The following GALNT18 variants were observed in gnomAD, a reference collection of about 807,000 sequenced individuals.
GALNT18 encodes the protein GalNAc-transferase 18.
Under a neutral mutation model 69.5 loss-of-function variants are expected in GALNT18, and 44 were observed. The observed-to-expected ratio is 0.63, with a 90% CI of 0.50 to 0.81. GALNT18 has a LOEUF of 0.81. GALNT18 is among the 40% of genes least tolerant of loss of function. The probability of loss-of-function intolerance (pLI) is 0.00; values close to 1 mark genes in which losing one functional copy is unlikely to be tolerated. For synonymous variants in GALNT18, 364 were observed against 318.2 expected (o/e 1.14, Z -1.53); for missense variants, 715 against 810.0 (o/e 0.88, Z 1.42).
intron 1 of GALNT18, among the ~76,000 whole-genome samples, chr11:11,490,730 G>A (rs947543052): frequency 1.3e-5 from 2 of 152,146 alleles, no homozygotes; most frequent in African/African-American, 2.4e-5. Context: ...TCCAGAAGGT[G>A]TGCTCAGAAG....
chr11:11,391,877 A>G (rs914442955), intron 3 of GALNT18, among the ~76,000 whole-genome samples: 1 of 152,236 alleles, frequency 6.6e-6, no homozygotes, highest in Non-Finnish European at 1.5e-5. Flanking sequence ...CCTAAGAGGT[A>G]AGGCCGGAGC....
At chr11:11,414,644 C>T (rs1302059976) in intron 3 of GALNT18, among the ~76,000 whole-genome samples, 2 of 152,130 alleles carry the variant, frequency 1.3e-5, no homozygotes, top group Admixed American at 1.3e-4. Flanking sequence ...TTTATTATGG[C>T]CTGTAATAAT....
chr11:11,284,800 T>C (rs1174621014), intron 10 of GALNT18, among the ~76,000 whole-genome samples: 1 of 147,420 alleles, frequency 6.8e-6, no homozygotes, highest in Non-Finnish European at 1.5e-5. Flanking sequence ...GTGTGGGACA[T>C]TACAGCTAGT....
rs572255459 is a variant in GALNT18, at chr11:11,618,320, T to G, written c.235+3039A>C. 1.9e-3 allele frequency among the ~76,000 whole-genome samples: 297 copies of G among 152,350 alleles called. 1 individual carries two copies. The highest frequency in any genetic ancestry group is 1.5e-3 in the Non-Finnish European group (102 of 68,040). On this transcript the variant is annotated intron_variant, in intron 1 of 10. Coordinates refer to ENST00000227756, the MANE Select transcript of GALNT18 (RefSeq NM_198516.3). This position sits in a 1 kb window ranked among gnomAD's most constrained non-coding sequence, Gnocchi z 6.1. ...TTAATAACCAACGTGGCCATAGGCATCAGCACTCATCCATTCATCCACGCT... is the reference window on the plus strand; with the variant it reads ...TTAATAACCAACGTGGCCATAGGCAGCAGCACTCATCCATTCATCCACGCT...
At chr11:11,486,897 G>A (rs151167509) in intron 1 of GALNT18, among the ~76,000 whole-genome samples, 6 of 152,324 alleles carry the variant, frequency 3.9e-5, no homozygotes, top group Admixed American at 1.3e-4. Context: ...TGTATGTGAG[G>A]GAAGGAATAA....
At chr11:11,283,617 T>C (rs190053707) in intron 10 of GALNT18, among the ~76,000 whole-genome samples, 1,688 of 152,318 alleles carry the variant, frequency 0.011, 36 homozygotes, top group African/African-American at 0.039. Flanking sequence ...CCCAGTCTCA[T>C]GGCTCTAGGC....
In GALNT18 at chr11:11,587,690, C is replaced by A. The variant is rs1022484199; in HGVS notation, c.235+33669G>T. Among the ~76,000 whole-genome samples, 1 of 152,138 alleles carries A rather than the reference C, an allele frequency of 6.6e-6. No individual in the cohort carries two copies. The highest frequency in any genetic ancestry group is 1.5e-5 in the Non-Finnish European group (1 of 68,020). ...ACCAGTCATCAACATCAAAACCAAC[C>A]TATAACAAGGAAAATTAACAGGCAA... On this transcript the variant is annotated intron_variant, in intron 1 of 10. Coordinates refer to ENST00000227756, the MANE Select transcript of GALNT18 (RefSeq NM_198516.3). The surrounding 1 kb of genome is among the most constrained non-coding windows in gnomAD (Gnocchi z 4.4).
intron 1 of GALNT18, among the ~76,000 whole-genome samples, chr11:11,462,895 T>C (rs1338102221): frequency 6.6e-6 from 1 of 152,150 alleles, no homozygotes; most frequent in Non-Finnish European, 1.5e-5. Context: ...AAAGGCAATC[T>C]GCTCAAAGAA....
chr11:11,585,479 C>A (rs113562687), intron 1 of GALNT18, among the ~76,000 whole-genome samples: 3 of 152,054 alleles, frequency 2.0e-5, no homozygotes, highest in Admixed American at 2.0e-4. Flanking sequence ...CCTCAGCCTC[C>A]GGAGTAGCTG....
intron 1 of GALNT18, among the ~76,000 whole-genome samples, chr11:11,539,193 C>T (rs567593054): frequency 6.6e-6 from 1 of 152,360 alleles, no homozygotes; most frequent in South Asian, 2.1e-4. Context: ...CCAAGGCTCC[C>T]TCTCAAGGGC....
chr11:11,576,613 G>T (rs1429991058), intron 1 of GALNT18, among the ~76,000 whole-genome samples: 1 of 152,166 alleles, frequency 6.6e-6, no homozygotes, highest in Non-Finnish European at 1.5e-5. Context: ...TTAGGAAATT[G>T]AGGCCACACA....
At chr11:11,548,251 G>A (rs1374541696) in intron 1 of GALNT18, among the ~76,000 whole-genome samples, 1 of 152,230 alleles carries the variant, frequency 6.6e-6, no homozygotes, top group Non-Finnish European at 1.5e-5. Flanking sequence ...GCAAAAGTGA[G>A]CACAGGCTGA....
At chr11:11,271,594 T>C (rs1848829082) in intron 10 of GALNT18, among the ~76,000 whole-genome samples, 1 of 67,478 alleles carries the variant, frequency 1.5e-5, no homozygotes, top group African/African-American at 4.8e-5. Context: ...CACCTACAGC[T>C]CCTACCCCAG....
In GALNT18 at chr11:11,318,923, C is replaced by T. The variant is rs1460746926; in HGVS notation, c.1512+8163G>A. ...CTCTCAGACACTATGAAGTTGTATG[C>T]TAACTCCTAGATTTCTGTCTGTGTA... On this transcript the variant is annotated intron_variant, in intron 9 of 10. Transcript: ENST00000227756. The surrounding 1 kb of genome is among the most constrained non-coding windows in gnomAD (Gnocchi z 5.1). Among the ~76,000 whole-genome samples, 2 of 152,166 alleles carry T rather than the reference C, an allele frequency of 1.3e-5. No individual in the cohort carries two copies. The highest frequency in any genetic ancestry group is 4.8e-5 in the African/African-American group (2 of 41,446).
In GALNT18 at chr11:11,591,196, GCC is replaced by G. The variant is rs1480252384; in HGVS notation, c.235+30161_235+30162del. On this transcript the variant is annotated intron_variant, in intron 1 of 10. Coordinates refer to ENST00000227756, the MANE Select transcript of GALNT18 (RefSeq NM_198516.3). This position sits in a 1 kb window ranked among gnomAD's most constrained non-coding sequence, Gnocchi z 4.8. ...TGTGTGTGTGTGTGTTAGTTTTTAA[GCC>G]TTTTTAAGGCCTTTTTAAGGCTTTG... 1.4e-5 allele frequency among the ~76,000 whole-genome samples: 2 copies of G among 147,904 alleles called. No homozygotes were observed. Among genetic ancestry groups the G allele is most frequent in the Non-Finnish European group, 3.0e-5 (2 of 66,902 alleles).
chr11:11,357,096 C>T lies in GALNT18; in HGVS notation c.1092+15419G>A, dbSNP rs545243150. On this transcript the variant is annotated intron_variant, in intron 6 of 10. Transcript: ENST00000227756. ...GTTCTAGACTGGCTGCTTGGGGTACCGAAATGTCCTTGTATATGGAAATCA... is the reference window on the plus strand; with the variant it reads ...GTTCTAGACTGGCTGCTTGGGGTACTGAAATGTCCTTGTATATGGAAATCA... Among the ~76,000 whole-genome samples the T allele has an allele frequency of 4.6e-5, 7 of 152,068 alleles. No individual in the cohort carries two copies. In the South Asian group the frequency reaches 1.0e-3, roughly 23 times the overall value.
chr11:11,552,296 A>G (rs1323229683), intron 1 of GALNT18, among the ~76,000 whole-genome samples: 2 of 152,204 alleles, frequency 1.3e-5, no homozygotes, highest in East Asian at 1.9e-4. Flanking sequence ...CAGGACCCCA[A>G]AAAAGCTAGA....
intron 1 of GALNT18, among the ~76,000 whole-genome samples, chr11:11,547,296 G>T (rs563399325): frequency 1.3e-3 from 201 of 152,262 alleles, no homozygotes; most frequent in Middle Eastern, 6.8e-3. Context: ...GAAGGGTGGG[G>T]GTGGAGGCAG....
At chr11:11,360,146 G>C (rs1850613105) in intron 6 of GALNT18, among the ~76,000 whole-genome samples, 1 of 152,162 alleles carries the variant, frequency 6.6e-6, no homozygotes, top group Admixed American at 6.5e-5. Flanking sequence ...TTGCCCAAGA[G>C]TGTACATCAT....
Sources: allele counts gnomAD v4.1 joint callset (sites outside exome capture counted in the v4.1 genomes callset), GRCh38; gene constraint gnomAD v4.1.1; non-coding constraint Gnocchi (gnomAD v3.1); transcripts MANE v1.5; gene names NCBI Gene and HGNC (gene_info 2026-07-23, HGNC 2026-07-21).